The following TSHZ3 variants were observed in gnomAD, a reference collection of about 807,000 sequenced individuals.
The protein encoded by TSHZ3 is teashirt homolog 3.
In TSHZ3, 10 loss-of-function variants were observed where a neutral mutation model predicts 64.5. That is an observed-to-expected ratio of 0.16 (90% CI 0.10 to 0.26). TSHZ3 has a LOEUF of 0.26. Ranked by LOEUF, TSHZ3 falls within the 10% of genes least tolerant of loss-of-function variation. The probability of loss-of-function intolerance (pLI) is 1.00; values close to 1 mark genes in which losing one functional copy is unlikely to be tolerated. For missense variants in TSHZ3, 1,242 were observed against 1,421.7 expected (o/e 0.87, Z 2.03); for synonymous variants, 608 against 593.1 (o/e 1.03, Z -0.36).
At chr19:31,203,429 G>A (rs1975116589) in intron 5 of TSHZ3, among the ~76,000 whole-genome samples, 1 of 152,104 alleles carries the variant, frequency 6.6e-6, no homozygotes, top group East Asian at 1.9e-4. Context: ...GGCATGACAT[G>A]AGTGACTTGT....
rs1190365930 is a variant in TSHZ3, at chr19:31,184,280, C to T, written n.809+20676G>A. Reference sequence around the variant, plus strand: ...TAGTTTTTATTAAAATCCAAAGCACCAACTTTGTGAAGAGCCCTATTTCAT... The same window carrying T: ...TAGTTTTTATTAAAATCCAAAGCACTAACTTTGTGAAGAGCCCTATTTCAT... On this transcript the variant is annotated intron_variant and non_coding_transcript_variant, in intron 5 of 6. Transcript: ENST00000651361. Among the ~76,000 whole-genome samples the T allele has an allele frequency of 5.9e-5, 9 of 152,070 alleles. No homozygotes were observed. The East Asian group carries it at 1.2e-3, about 20-fold the overall frequency.
Position 31,329,978 on chromosome 19 carries a change from G to GA in TSHZ3, c.40+19201dup, listed in dbSNP as rs537873535. 8.5e-5 allele frequency among the ~76,000 whole-genome samples: 13 copies of GA among 152,056 alleles called. No individual in the cohort carries two copies. The South Asian group carries it at 1.0e-3, about 12-fold the overall frequency. ...GAGCGCAGACACACAACTAGGAAGA[G>GA]AAAAAAATGAAATTCCATTATAACT... On this transcript the variant is annotated intron_variant, in intron 1 of 1. Transcript: ENST00000240587.
At chr19:31,171,015 A>G (rs1379056300) in intron 5 of TSHZ3, among the ~76,000 whole-genome samples, 2 of 152,220 alleles carry the variant, frequency 1.3e-5, no homozygotes, top group African/African-American at 4.8e-5. Flanking sequence ...CTTGTTTCTT[A>G]GAGTAGAAAT....
chr19:31,160,659 C>A (rs772955739), intron 5 of TSHZ3, among the ~76,000 whole-genome samples: 31 of 152,082 alleles, frequency 2.0e-4, no homozygotes, highest in Non-Finnish European at 2.9e-5. Flanking sequence ...CACACAAACA[C>A]ACAGGCACAC....
At chr19:31,261,865 C>T (rs1477995973) in intron 1 of TSHZ3, among the ~76,000 whole-genome samples, 1 of 152,166 alleles carries the variant, frequency 6.6e-6, no homozygotes, top group Non-Finnish European at 1.5e-5. Context: ...AGCCATCAGT[C>T]ACGGCTGAGT....
chr19:31,261,176 G>A (rs1264337961), intron 1 of TSHZ3, among the ~76,000 whole-genome samples: 3 of 152,304 alleles, frequency 2.0e-5, no homozygotes, highest in South Asian at 4.1e-4. Flanking sequence ...CCTGTAGGCA[G>A]AACATCTGTG....
At chr19:31,333,449 C>T (rs892586746) in intron 1 of TSHZ3, among the ~76,000 whole-genome samples, 1 of 152,146 alleles carries the variant, frequency 6.6e-6, no homozygotes, top group Non-Finnish European at 1.5e-5. Context: ...GCAAGGGGAC[C>T]TGGATCGGCC....
chr19:31,274,780 G>A (rs1263360485), downstream of TSHZ3, among the ~76,000 whole-genome samples: 5 of 151,638 alleles, frequency 3.3e-5, no homozygotes, highest in Admixed American at 1.3e-4. Context: ...CTCTCCAAAC[G>A]CCAAAGTTCA....
chr19:31,181,841 C>A (rs982155960), intron 5 of TSHZ3, among the ~76,000 whole-genome samples: 1 of 152,146 alleles, frequency 6.6e-6, no homozygotes, highest in Non-Finnish European at 1.5e-5. Context: ...ATTGCCACCT[C>A]GTTGTGGATG....
intron 3 of TSHZ3, among the ~76,000 whole-genome samples, chr19:31,236,168 G>A (rs190962584): frequency 1.8e-4 from 27 of 152,250 alleles, no homozygotes; most frequent in African/African-American, 6.5e-4. Context: ...CATGCGACAG[G>A]TCTATTTTAG....
intron 1 of TSHZ3, among the ~76,000 whole-genome samples, chr19:31,311,697 G>C (rs1487317202): frequency 6.6e-6 from 1 of 152,116 alleles, no homozygotes; most frequent in African/African-American, 2.4e-5. Flanking sequence ...GTTAGGGTGA[G>C]AGATCTTTGA....
intron 1 of TSHZ3, among the ~76,000 whole-genome samples, chr19:31,293,289 G>T (rs1413097515): frequency 6.6e-6 from 1 of 152,186 alleles, no homozygotes; most frequent in Non-Finnish European, 1.5e-5. Context: ...TACTCAAGGT[G>T]GCCTTGGTTA....
intron 4 of TSHZ3, among the ~76,000 whole-genome samples, chr19:31,227,129 C>T (rs1022359173): frequency 2.0e-5 from 3 of 151,634 alleles, no homozygotes; most frequent in Non-Finnish European, 4.4e-5. Flanking sequence ...CAGGCCTGTG[C>T]CACCATGCCT....
chr19:31,206,655 A>T (rs887510712), intron 4 of TSHZ3, among the ~76,000 whole-genome samples: 9 of 152,180 alleles, frequency 5.9e-5, no homozygotes, highest in East Asian at 1.9e-4. Flanking sequence ...TTAAAAAAAA[A>T]CTTTTGAAAT....
chr19:31,243,477 C>A (rs1341374238), intron 1 of TSHZ3, among the ~76,000 whole-genome samples: 1 of 152,230 alleles, frequency 6.6e-6, no homozygotes, highest in Non-Finnish European at 1.5e-5. Flanking sequence ...CTGTATCACA[C>A]CAACCCATGC....
chr19:31,337,143 C>T (rs1221754261), intron 1 of TSHZ3, among the ~76,000 whole-genome samples: 1 of 151,770 alleles, frequency 6.6e-6, no homozygotes, highest in Non-Finnish European at 1.5e-5. Flanking sequence ...TATTCACCTG[C>T]CTTTGATGAT....
intron 1 of TSHZ3, among the ~76,000 whole-genome samples, chr19:31,259,597 G>C (rs765865510): frequency 3.3e-5 from 5 of 152,002 alleles, no homozygotes; most frequent in African/African-American, 1.2e-4. Flanking sequence ...ATCCTATGGG[G>C]CTGGGAGCTC....
chr19:31,322,640 G>A (rs1041215691), intron 1 of TSHZ3, among the ~76,000 whole-genome samples: 8 of 150,166 alleles, frequency 5.3e-5, no homozygotes, highest in African/African-American at 1.2e-4. Context: ...GGCTGGTCTC[G>A]AACTGCTAGC....
intron 1 of TSHZ3, among the ~76,000 whole-genome samples, chr19:31,281,535 A>T (rs1976361053): frequency 6.6e-6 from 1 of 152,170 alleles, no homozygotes; most frequent in Admixed American, 6.5e-5. Context: ...ACCAGAAGAG[A>T]GTGCCCTGCT....
Sources: gnomAD v4.1 joint callset for allele counts (sites outside exome capture counted in the v4.1 genomes callset) on GRCh38, gnomAD v4.1.1 for gene constraint, MANE v1.5 for transcripts, NCBI Gene and HGNC (gene_info 2026-07-23, HGNC 2026-07-21) for gene names.